The following CHODL variants were observed in gnomAD, a reference collection of about 807,000 sequenced individuals.
CHODL encodes transmembrane protein MT75.
A neutral mutation model predicts 34.5 loss-of-function variants in CHODL; 29 were observed. That is an observed-to-expected ratio of 0.84 (90% CI 0.63 to 1.15). The LOEUF is 1.15. Among genes scored for constraint, CHODL ranks in the 50% most tolerant of loss-of-function variants. CHODL has a pLI of 0.00. For synonymous variants in CHODL, 125 were observed against 116.1 expected, an observed-to-expected ratio of 1.08 and a Z score of -0.49; for missense variants, 332 against 332.5, an observed-to-expected ratio of 1.00 and a Z score of 0.01.
intron 1 of CHODL, among the ~76,000 whole-genome samples, chr21:17,931,262 A>G (rs181339925): frequency 1.1e-4 from 17 of 152,312 alleles, no homozygotes; most frequent in South Asian, 2.1e-4. Flanking sequence ...GCTTTTTCCC[A>G]TAAGCACCAC....
intron 2 of CHODL, among the ~76,000 whole-genome samples, chr21:18,030,026 G>A (rs2064228972): frequency 6.6e-6 from 1 of 152,088 alleles, no homozygotes; most frequent in Non-Finnish European, 1.5e-5. Context: ...TCTGTGGCAG[G>A]CAGGCTCTAA....
intron 1 of CHODL, among the ~76,000 whole-genome samples, chr21:17,919,210 G>T (rs887879772): frequency 1.3e-5 from 2 of 152,180 alleles, no homozygotes; most frequent in African/African-American, 4.8e-5. Context: ...TGCACTAGGT[G>T]GTGCCCCCAT....
rs2063336099 is a variant in CHODL, at chr21:17,938,496, G to GTTTTTTTTTTTTTTTTTTTTTTT, written c.-145+21096_-145+21097insTTTTTTTTTTTTTTTTTTTTTTT. Among the ~76,000 whole-genome samples the GTTTTTTTTTTTTTTTTTTTTTTT allele has an allele frequency of 1.8e-4, 8 of 43,682 alleles. 2 individuals are homozygous for GTTTTTTTTTTTTTTTTTTTTTTT. The highest frequency in any genetic ancestry group is 7.3e-4 in the African/African-American group (8 of 10,956). The allele number at this position is 43,682 out of a possible 152,430, so 28.7% of individuals were successfully genotyped here. ...TTTTTTTTTTTTTTTTTTTTTTTAA[G>GTTTTTTTTTTTTTTTTTTTTTTT]GAAAGGGAGTCTCGCTCCATCGCCC... On this transcript the variant is annotated intron_variant, in intron 1 of 6. Coordinates refer to the CHODL transcript ENST00000400127.
intron 2 of CHODL, among the ~76,000 whole-genome samples, chr21:18,100,823 G>A (rs2065204135): frequency 6.6e-6 from 1 of 152,098 alleles, no homozygotes; most frequent in African/African-American, 2.4e-5. Flanking sequence ...TTTATATACT[G>A]TATGTGAAAA....
At chr21:17,960,118 A>AT (rs2063521343) in intron 1 of CHODL, among the ~76,000 whole-genome samples, 1 of 152,158 alleles carries the variant, frequency 6.6e-6, no homozygotes, top group African/African-American at 2.4e-5. Context: ...GGGATACACT[A>AT]GGCTTCTCCA....
chr21:18,014,591 A>C (rs1047502961), intron 1 of CHODL, among the ~76,000 whole-genome samples: 4 of 152,122 alleles, frequency 2.6e-5, no homozygotes, highest in African/African-American at 9.7e-5. Flanking sequence ...ATCAGGGTGG[A>C]TCCTTCATGG....
At chr21:18,040,685 T>A (rs1370015289) in intron 2 of CHODL, among the ~76,000 whole-genome samples, 2 of 151,928 alleles carry the variant, frequency 1.3e-5, no homozygotes, top group Admixed American at 6.6e-5. Flanking sequence ...ATAAAAAGAC[T>A]GTTATAGGTA....
At chr21:17,991,015 G>C (rs570496889) in intron 1 of CHODL, among the ~76,000 whole-genome samples, 1 of 152,066 alleles carries the variant, frequency 6.6e-6, no homozygotes, top group South Asian at 2.1e-4. Flanking sequence ...CTCCCTTTAT[G>C]AGATCAACTG....
At chr21:18,162,072 A>T (rs2073102231) in intron 2 of CHODL, among the ~76,000 whole-genome samples, 1 of 152,108 alleles carries the variant, frequency 6.6e-6, no homozygotes, top group East Asian at 1.9e-4. Flanking sequence ...GTCACTAACC[A>T]CTAACCCCTC....
intron 3 of CHODL, among the ~76,000 whole-genome samples, chr21:18,257,656 A>G (rs1040655363): frequency 3.9e-5 from 6 of 152,188 alleles, no homozygotes; most frequent in Non-Finnish European, 2.9e-5. Flanking sequence ...AAAAGTAGGA[A>G]GATGTGACTC....
intron 2 of CHODL, among the ~76,000 whole-genome samples, chr21:18,043,846 G>T (rs950001525): frequency 2.0e-5 from 3 of 151,926 alleles, no homozygotes; most frequent in Non-Finnish European, 2.9e-5. Flanking sequence ...GAAGGCGAAA[G>T]GCATGTCTTC....
chr21:18,032,843 C>G (rs1249741314), intron 2 of CHODL, among the ~76,000 whole-genome samples: 1 of 151,954 alleles, frequency 6.6e-6, no homozygotes, highest in Non-Finnish European at 1.5e-5. Flanking sequence ...AAGCAGTTCT[C>G]TTAAAGGTGA....
At chr21:18,001,315 G>A (rs1164776341) in intron 1 of CHODL, among the ~76,000 whole-genome samples, 1 of 152,212 alleles carries the variant, frequency 6.6e-6, no homozygotes, top group Non-Finnish European at 1.5e-5. Context: ...ACCCATTTCA[G>A]GGAATTTTGA....
chr21:17,928,044 G>A (rs1416947376), intron 1 of CHODL, among the ~76,000 whole-genome samples: 1 of 152,090 alleles, frequency 6.6e-6, no homozygotes, highest in Non-Finnish European at 1.5e-5. Context: ...GGTTCACTAG[G>A]GTTCAAAACA....
At chr21:18,090,211 C>G (rs2146527983) in intron 2 of CHODL, among the ~76,000 whole-genome samples, 1 of 152,282 alleles carries the variant, frequency 6.6e-6, no homozygotes, top group South Asian at 2.1e-4. Context: ...AAACATAAAA[C>G]ATGGGCAAAA....
chr21:18,094,475 T>A (rs2065113659), intron 2 of CHODL, among the ~76,000 whole-genome samples: 1 of 152,098 alleles, frequency 6.6e-6, no homozygotes, highest in Non-Finnish European at 1.5e-5. Context: ...ACAAAACAAG[T>A]GTCAAAACAT....
chr21:18,241,435 G>GA (rs2074081163), upstream of CHODL, among the ~76,000 whole-genome samples: 1 of 152,136 alleles, frequency 6.6e-6, no homozygotes, highest in South Asian at 2.1e-4. Context: ...GTTGGATTCT[G>GA]AAAACATCTC....
At chr21:18,040,228 C>T (rs1311733891) in intron 2 of CHODL, among the ~76,000 whole-genome samples, 2 of 151,838 alleles carry the variant, frequency 1.3e-5, no homozygotes, top group Non-Finnish European at 2.9e-5. Context: ...TTTATGTCCA[C>T]TACATGTGGA....
intron 2 of CHODL, among the ~76,000 whole-genome samples, chr21:18,061,624 T>C (rs1485609562): frequency 2.0e-5 from 3 of 152,186 alleles, no homozygotes; most frequent in African/African-American, 7.2e-5. Flanking sequence ...TAATGATATC[T>C]TTAGCCCAAA....
Sources: allele counts gnomAD v4.1 joint callset (sites outside exome capture counted in the v4.1 genomes callset), GRCh38; gene constraint gnomAD v4.1.1; transcripts MANE v1.5; gene names NCBI Gene and HGNC (gene_info 2026-07-23, HGNC 2026-07-21).